The following PBRM1 variants were observed in gnomAD, a reference collection of about 807,000 sequenced individuals.
PBRM1 encodes the protein protein polybromo-1.
A neutral mutation model predicts 194.5 loss-of-function variants in PBRM1; 27 were observed. That is an observed-to-expected ratio of 0.14 (90% CI 0.10 to 0.19). The LOEUF (loss-of-function observed/expected upper bound fraction) is 0.19. Among genes scored for constraint, PBRM1 ranks in the 10% least tolerant of loss-of-function variants. The probability of loss-of-function intolerance (pLI) is 1.00; values close to 1 mark genes in which losing one functional copy is unlikely to be tolerated. For synonymous variants in PBRM1, 655 were observed against 693.2 expected (o/e 0.94, Z 0.87); for missense variants, 1,466 against 2,077.2 (o/e 0.71, Z 5.72).
intron 25 of PBRM1, 59 bp downstream of exon 27, chr3:52,561,708 C>A (rs1393201270): frequency 1.4e-6 from 2 of 1,404,214 alleles, no homozygotes; most frequent in African/African-American, 1.4e-5. Context: ...TGTCTGTGCG[C>A]GTGCATTCCT....
intron 26 of PBRM1, among the ~76,000 whole-genome samples, chr3:52,556,804 G>A (rs1029919690): frequency 9.9e-5 from 15 of 152,122 alleles, no homozygotes; most frequent in African/African-American, 2.9e-4. Context: ...CACTCCCAGG[G>A]CCCAGAAGTC....
rs2153789902 is a variant in PBRM1, at chr3:52,587,502, AT to A, written c.2973del (p.Lys991AsnfsTer23). On this transcript the variant is annotated frameshift_variant, in exon 19 of 30. Transcript: ENST00000296302. LOFTEE classifies it high-confidence loss of function. Reference sequence around the variant, plus strand: ...CGGTAAAACCAACAGCCATACAACCATTTTTCACCTCAAAAATGGGGGGTGG... The same window carrying A: ...CGGTAAAACCAACAGCCATACAACCATTTTCACCTCAAAAATGGGGGGTGG... The A allele has an allele frequency of 6.3e-7, 1 of 1,599,546 alleles. No individual in the cohort carries two copies. Among genetic ancestry groups the A allele is most frequent in the South Asian group, 1.1e-5 (1 of 87,870 alleles).
chr3:52,591,954 G>A (rs1273854703), intron 17 of PBRM1, among the ~76,000 whole-genome samples: 4 of 145,386 alleles, frequency 2.8e-5, no homozygotes, highest in African/African-American at 2.6e-5. Context: ...AGCCTCCCAA[G>A]TAGCTGGGAT....
At chr3:52,565,034 A>G (rs1456493898) in intron 22 of PBRM1, among the ~76,000 whole-genome samples, 2 of 151,982 alleles carry the variant, frequency 1.3e-5, no homozygotes, top group African/African-American at 2.4e-5. Context: ...CCCCATCTCT[A>G]CTAAAAATAC....
rs2153751043 is a variant in PBRM1, at chr3:52,586,140, T to G, written c.3387+285A>C. 1.4e-5 allele frequency: 3 copies of G among 220,666 alleles called. No individual in the cohort carries two copies. In the South Asian group the frequency reaches 2.7e-4, roughly 20 times the overall value. The allele number at this position is 220,666 out of a possible 1,614,324, so 13.7% of individuals were successfully genotyped here. ...TAGTAGAGATGAGGTTTCACCATGT[T>G]GGTCAGGCTGGTCTCGAACTCCTGA... On this transcript the variant is annotated intron_variant, in intron 20 of 29. Coordinates refer to ENST00000296302, the Ensembl canonical transcript of PBRM1.
intron 5 of PBRM1, among the ~76,000 whole-genome samples, chr3:52,654,418 TAC>T (rs1443757843): frequency 6.6e-6 from 1 of 151,966 alleles, no homozygotes; most frequent in Non-Finnish European, 1.5e-5. Flanking sequence ...CAGCATGGAG[TAC>T]AAAGTAATTC....
intron 5 of PBRM1, among the ~76,000 whole-genome samples, chr3:52,656,093 T>C (rs1423462395): frequency 6.6e-6 from 1 of 152,178 alleles, no homozygotes; most frequent in African/African-American, 2.4e-5. Flanking sequence ...AATATGAGAA[T>C]GCTGAGGCCA....
exon 18 of PBRM1, chr3:52,589,160 G>C (rs2153807049): frequency 1.9e-6 from 3 of 1,611,888 alleles, no homozygotes; most frequent in Non-Finnish European, 2.5e-6. Flanking sequence ...TCTCCAACAT[G>C]GTACATGCTG....
chr3:52,611,178 G>A (rs2094586667), intron 15 of PBRM1, among the ~76,000 whole-genome samples: 1 of 152,044 alleles, frequency 6.6e-6, no homozygotes, highest in African/African-American at 2.4e-5. Context: ...CTTTCAAAAA[G>A]CAAGACACAC....
At chr3:52,562,088 G>A (rs1045669562) in intron 24 of PBRM1, 120 bp from the exon 27 acceptor site, 7 of 709,668 alleles carry the variant, frequency 9.9e-6, no homozygotes, top group South Asian at 6.2e-5. Context: ...TTGGGGGGCC[G>A]AGACAGGTGG....
intron 22 of PBRM1, among the ~76,000 whole-genome samples, chr3:52,571,580 T>C (rs1310019073): frequency 5.8e-5 from 8 of 137,228 alleles, no homozygotes; most frequent in Non-Finnish European, 1.2e-4. Context: ...GAACCGAGAT[T>C]GCACCATTGC....
At chr3:52,599,655 CAAA>C (rs71615864) in intron 17 of PBRM1, among the ~76,000 whole-genome samples, 59 of 122,986 alleles carry the variant, frequency 4.8e-4, no homozygotes, top group East Asian at 7.0e-4. Flanking sequence ...ACTAAAAATA[CAAA>C]AAAAAAAAAA....
upstream of PBRM1, chr3:52,681,600 C>T (rs2097206451): frequency 3.0e-6 from 1 of 333,884 alleles, no homozygotes; most frequent in Non-Finnish European, 4.4e-6. Flanking sequence ...AGGAGGGAAT[C>T]TTTGTGGAAA....
chr3:52,568,201 A>G (rs1339642590), intron 22 of PBRM1, among the ~76,000 whole-genome samples: 1 of 149,800 alleles, frequency 6.7e-6, no homozygotes, highest in Non-Finnish European at 1.5e-5. Context: ...CTAGTCTTCG[A>G]CTCCTGACCT....
intron 17 of PBRM1, among the ~76,000 whole-genome samples, chr3:52,595,370 T>C (rs2118540): frequency 0.33 from 50,213 of 151,982 alleles, 9,481 homozygotes; most frequent in Admixed American, 0.46. Context: ...GCCCTGGCTT[T>C]TGGATAAAAG....
intron 11 of PBRM1, among the ~76,000 whole-genome samples, chr3:52,629,559 T>A (rs1343533675): frequency 6.6e-6 from 1 of 152,226 alleles, no homozygotes; most frequent in Non-Finnish European, 1.5e-5. Flanking sequence ...GAGAGATAGA[T>A]ATGTCAGAGT....
At chr3:52,669,784 C>G (rs868469007) in intron 2 of PBRM1, among the ~76,000 whole-genome samples, 2 of 152,118 alleles carry the variant, frequency 1.3e-5, no homozygotes, top group Admixed American at 6.6e-5. Flanking sequence ...TGCCCCATCA[C>G]GCCTGATAAT....
At chr3:52,552,074 C>A (rs953736853) in intron 27 of PBRM1, 2 of 151,528 alleles carry the variant, frequency 1.3e-5, no homozygotes, top group Non-Finnish European at 3.0e-5. Flanking sequence ...CAGAAGTCCA[C>A]CCGGATCACC....
chr3:52,637,306 G>A (rs2095859008), intron 10 of PBRM1, among the ~76,000 whole-genome samples: 1 of 152,090 alleles, frequency 6.6e-6, no homozygotes, highest in African/African-American at 2.4e-5. Flanking sequence ...CTGTTGGTAA[G>A]GGAAATGCTG....
Sources: allele counts gnomAD v4.1 joint callset (sites outside exome capture counted in the v4.1 genomes callset), GRCh38; gene constraint gnomAD v4.1.1; transcripts MANE v1.5; gene names NCBI Gene and HGNC (gene_info 2026-07-23, HGNC 2026-07-21).